The following SERGEF variants were observed in gnomAD, a reference collection of about 807,000 sequenced individuals.
SERGEF encodes secretion-regulating guanine nucleotide exchange factor.
Under a neutral mutation model 50.0 loss-of-function variants are expected in SERGEF, and 51 were observed. The observed-to-expected ratio is 1.02, with a 90% CI of 0.81 to 1.29. SERGEF has a LOEUF of 1.29. Ranked by LOEUF, SERGEF falls within the 50% of genes most tolerant of loss-of-function variation. SERGEF has a pLI of 0.00. For missense variants in SERGEF, 521 were observed against 557.0 expected, an observed-to-expected ratio of 0.94 and a Z score of 0.65; for synonymous variants, 205 against 212.4, an observed-to-expected ratio of 0.97 and a Z score of 0.30.
chr11:17,870,687 A>G (rs1222776751), intron 10 of SERGEF, among the ~76,000 whole-genome samples: 6 of 152,250 alleles, frequency 3.9e-5, no homozygotes, highest in African/African-American at 1.4e-4. Context: ...AACTCCTCAT[A>G]AAAGAGAAAA....
At chr11:17,811,236 C>A (rs911782841) in intron 10 of SERGEF, among the ~76,000 whole-genome samples, 4 of 152,210 alleles carry the variant, frequency 2.6e-5, no homozygotes, top group Non-Finnish European at 5.9e-5. Flanking sequence ...AGGGTTACAG[C>A]CAGGACACAG....
chr11:17,919,151 T>C (rs954245380), intron 9 of SERGEF, among the ~76,000 whole-genome samples: 12 of 152,312 alleles, frequency 7.9e-5, no homozygotes, highest in Non-Finnish European at 1.3e-4. Flanking sequence ...GCTTCCTCCA[T>C]TAGACTGAAT....
intron 1 of SERGEF, among the ~76,000 whole-genome samples, chr11:18,009,582 T>C (rs955071582): frequency 1.3e-5 from 2 of 152,166 alleles, no homozygotes; most frequent in Non-Finnish European, 2.9e-5. Context: ...GCAAGGCACG[T>C]CATTATTTCA....
At chr11:17,804,227 T>A (rs1258670175) in intron 10 of SERGEF, among the ~76,000 whole-genome samples, 1 of 152,232 alleles carries the variant, frequency 6.6e-6, no homozygotes, top group Non-Finnish European at 1.5e-5. Flanking sequence ...CTCAGAGCTG[T>A]GACGCACAAC....
chr11:17,885,732 G>A (rs1851418039), intron 9 of SERGEF, among the ~76,000 whole-genome samples: 1 of 151,820 alleles, frequency 6.6e-6, no homozygotes, highest in South Asian at 2.1e-4. Flanking sequence ...CTCTAACCCA[G>A]CAACACGAGT....
chr11:17,817,487 A>G (rs1287729783), intron 10 of SERGEF, among the ~76,000 whole-genome samples: 1 of 152,186 alleles, frequency 6.6e-6, no homozygotes, highest in Non-Finnish European at 1.5e-5. Context: ...AAGTGCTGGG[A>G]TTACAGGCAT....
chr11:17,867,823 A>C (rs1851061676), intron 10 of SERGEF, among the ~76,000 whole-genome samples: 2 of 152,236 alleles, frequency 1.3e-5, no homozygotes, highest in African/African-American at 4.8e-5. Flanking sequence ...ACCATGTGGA[A>C]GCTGCCAAGG....
At chr11:17,949,033 G>T (rs1039490948) in intron 9 of SERGEF, among the ~76,000 whole-genome samples, 7 of 152,126 alleles carry the variant, frequency 4.6e-5, no homozygotes, top group Non-Finnish European at 1.0e-4. Flanking sequence ...ACCATACAAA[G>T]ATTAACCTCC....
At chr11:17,788,488 G>T in intron 10 of SERGEF, 75 bp from the exon 11 acceptor site, 3 of 1,289,382 alleles carry the variant, frequency 2.3e-6, no homozygotes, top group Non-Finnish European at 2.1e-6. Context: ...TGAGGGTACA[G>T]GTATCATCAT....
chr11:17,909,455 T>C (rs1851909252), intron 9 of SERGEF, among the ~76,000 whole-genome samples: 1 of 152,142 alleles, frequency 6.6e-6, no homozygotes, highest in Non-Finnish European at 1.5e-5. Flanking sequence ...CCATTCCCAG[T>C]GGGAGATTCT....
At chr11:17,897,187 A>G (rs966359209) in intron 9 of SERGEF, among the ~76,000 whole-genome samples, 4 of 152,196 alleles carry the variant, frequency 2.6e-5, no homozygotes, top group African/African-American at 9.7e-5. Flanking sequence ...AGCAGCATCT[A>G]TTGCTGACGA....
At chr11:17,835,194 T>C (rs1056437818) in intron 10 of SERGEF, among the ~76,000 whole-genome samples, 3 of 152,222 alleles carry the variant, frequency 2.0e-5, no homozygotes, top group Non-Finnish European at 4.4e-5. Flanking sequence ...AAAAAGATGC[T>C]ACCAAGCTTG....
chr11:17,947,805 T>C (rs1226889608), intron 9 of SERGEF, among the ~76,000 whole-genome samples: 3 of 152,348 alleles, frequency 2.0e-5, no homozygotes, highest in Non-Finnish European at 2.9e-5. Context: ...TAAATTATTA[T>C]ACTGCTTCAT....
intron 10 of SERGEF, among the ~76,000 whole-genome samples, chr11:17,814,688 C>A (rs1275699600): frequency 6.6e-6 from 1 of 152,182 alleles, no homozygotes; most frequent in African/African-American, 2.4e-5. Flanking sequence ...AACTATGATT[C>A]CAAAGCCCAT....
At chr11:17,936,460 CTA>C (rs2133952007) in intron 9 of SERGEF, among the ~76,000 whole-genome samples, 1 of 152,276 alleles carries the variant, frequency 6.6e-6, no homozygotes, top group East Asian at 1.9e-4. Flanking sequence ...CAAAGTAGCC[CTA>C]ATAATAACAC....
At chr11:17,959,688 A>T in intron 8 of SERGEF, 52 bp from the exon 9 acceptor site, 1 of 1,455,688 alleles carries the variant, frequency 6.9e-7, no homozygotes, top group Non-Finnish European at 9.4e-7. Context: ...CTGTGCTCTC[A>T]TGGGTAGGCA....
At chr11:17,797,828 C>T (rs150739913) in intron 10 of SERGEF, among the ~76,000 whole-genome samples, 105 of 152,304 alleles carry the variant, frequency 6.9e-4, no homozygotes, top group African/African-American at 2.3e-3. Flanking sequence ...GCCATGGGCA[C>T]GGCAATTGTA....
At chr11:17,984,352 A>G (rs1191073833) in intron 8 of SERGEF, among the ~76,000 whole-genome samples, 1 of 152,194 alleles carries the variant, frequency 6.6e-6, no homozygotes, top group African/African-American at 2.4e-5. Context: ...GAGCTTGGAC[A>G]TCATCTGACA....
intron 3 of SERGEF, among the ~76,000 whole-genome samples, chr11:18,004,858 A>G (rs1184799967): frequency 6.6e-6 from 1 of 152,216 alleles, no homozygotes; most frequent in African/African-American, 2.4e-5. Context: ...TTAGTAAAAC[A>G]ACACTCCAGC....
Sources: gnomAD v4.1 joint callset for allele counts (sites outside exome capture counted in the v4.1 genomes callset) on GRCh38, gnomAD v4.1.1 for gene constraint, MANE v1.5 for transcripts, NCBI Gene and HGNC (gene_info 2026-07-23, HGNC 2026-07-21) for gene names.